PCGF6: variants seen among roughly 807,000 people sequenced by gnomAD.
PCGF6 encodes the protein polycomb group ring finger 6.
A neutral mutation model predicts 45.5 loss-of-function variants in PCGF6; 24 were observed. The ratio of observed to expected loss-of-function variants is 0.53; its 90% CI spans 0.38 to 0.74. The LOEUF (loss-of-function observed/expected upper bound fraction) is 0.74, where lower values mean the gene tolerates loss of function less well. PCGF6 is among the 30% of genes least tolerant of loss of function. The pLI is 0.00. For missense variants in PCGF6, 356 were observed against 443.2 expected, an observed-to-expected ratio of 0.80 and a Z score of 1.77; for synonymous variants, 152 against 162.1, an observed-to-expected ratio of 0.94 and a Z score of 0.47.
chr10:103,304,494 C>T (rs2093130815), intron 9 of PCGF6, among the ~76,000 whole-genome samples: 1 of 152,002 alleles, frequency 6.6e-6, no homozygotes, highest in Non-Finnish European at 1.5e-5. Flanking sequence ...GTGCGTGCTA[C>T]CAGGCCCAGC....
rs112993242 is a variant in PCGF6 at position 103,311,812 on chromosome 10, C to G, written c.996+2374G>C. Among the ~76,000 whole-genome samples, 603 of 151,226 alleles carry G rather than the reference C, an allele frequency of 4.0e-3. 1 individual carries two copies. Among genetic ancestry groups the G allele is most frequent in the African/African-American group, 0.012 (510 of 41,298 alleles). ...CCCAATAGGCCATGACTGTCAGCCA[C>G]GTGTGGTGGCTCATGCCTGTAATCC... On this transcript the variant is annotated intron_variant, in intron 9 of 9. Transcript: ENST00000369847.
chr10:103,323,960 GA>G (rs2093207081), intron 8 of PCGF6, among the ~76,000 whole-genome samples: 1 of 149,510 alleles, frequency 6.7e-6, no homozygotes, highest in Non-Finnish European at 1.5e-5. Context: ...ATTTTTTTGA[GA>G]CAGATTATCA....
At chr10:103,315,602 G>A (rs1339202778) in intron 8 of PCGF6, among the ~76,000 whole-genome samples, 1 of 151,960 alleles carries the variant, frequency 6.6e-6, no homozygotes, top group Non-Finnish European at 1.5e-5. Flanking sequence ...CTGATGATCC[G>A]CCCACCTCAG....
At position 103,344,693 on chromosome 10, in the gene PCGF6, G is replaced by C. The variant is rs1258726001; in HGVS notation, c.782+331C>G. Among the ~76,000 whole-genome samples, 9 of 151,668 alleles carry C rather than the reference G, an allele frequency of 5.9e-5. No individual in the cohort carries two copies. The East Asian group carries it at 1.7e-3, about 29-fold the overall frequency. On this transcript the variant is annotated intron_variant, in intron 6 of 9. Coordinates refer to ENST00000369847, the MANE Select transcript of PCGF6 (RefSeq NM_001011663.2). ...GTCTCCTGCCTCAGCCTCCCAAGTA[G>C]CTGGGATTACAGGCACCCGCCACCA...
intron 8 of PCGF6, among the ~76,000 whole-genome samples, chr10:103,319,051 G>A (rs946961184): frequency 1.1e-4 from 17 of 152,188 alleles, no homozygotes; most frequent in South Asian, 8.3e-4. Flanking sequence ...AGGAGAAAAA[G>A]TCCTCATCTT....
rs2093294709 is a variant in PCGF6 at position 103,345,144 on chromosome 10, T to C, written c.674-12A>G. ...TGGCTGTGGAACAGCTATTTAATAGTCAAACAAAAATGTTAATTAAGAATA... is the reference window on the plus strand; with the variant it reads ...TGGCTGTGGAACAGCTATTTAATAGCCAAACAAAAATGTTAATTAAGAATA... On this transcript the variant is annotated splice_polypyrimidine_tract_variant and intron_variant, in intron 5 of 9. Transcript: ENST00000369847. 6.5e-7 allele frequency: 1 copy of C among 1,541,010 alleles called. No individual in the cohort carries two copies. The highest frequency in any genetic ancestry group is 1.4e-5 in the African/African-American group (1 of 72,318).
chr10:103,322,903 C>CAAAAAAA (rs921634174), intron 8 of PCGF6, among the ~76,000 whole-genome samples: 5 of 137,780 alleles, frequency 3.6e-5, no homozygotes, highest in African/African-American at 1.3e-4. Flanking sequence ...AAACAAAAAA[C>CAAAAAAA]AAAAAAAAAA....
intron 3 of PCGF6, 72 bp downstream of exon 3, chr10:103,348,644 C>A (rs937738236): frequency 1.0e-5 from 12 of 1,169,658 alleles, no homozygotes; most frequent in Non-Finnish European, 1.4e-5. Flanking sequence ...ATAATTTATT[C>A]CAACTATATA....
chr10:103,332,223 C>G (rs2093242759), intron 7 of PCGF6, among the ~76,000 whole-genome samples: 1 of 152,102 alleles, frequency 6.6e-6, no homozygotes, highest in African/African-American at 2.4e-5. Flanking sequence ...TGTGTAAGAA[C>G]CACAACTATA....
chr10:103,337,701 G>A (rs1261565818), intron 6 of PCGF6, among the ~76,000 whole-genome samples: 1 of 152,134 alleles, frequency 6.6e-6, no homozygotes, highest in Non-Finnish European at 1.5e-5. Flanking sequence ...GTCGAGGTGG[G>A]TGGATAACCT....
At chr10:103,324,759 C>CAAA (rs1189652042) in intron 8 of PCGF6, among the ~76,000 whole-genome samples, 2 of 41,712 alleles carry the variant, frequency 4.8e-5, no homozygotes, top group Admixed American at 2.5e-4. Flanking sequence ...GACTCCGCCT[C>CAAA]AAAAAAAAAA....
At chr10:103,309,578 T>C (rs992608477) in intron 9 of PCGF6, among the ~76,000 whole-genome samples, 1 of 152,298 alleles carries the variant, frequency 6.6e-6, no homozygotes, top group Non-Finnish European at 1.5e-5. Flanking sequence ...TATTTCTTTA[T>C]AGCAATGTAA....
intron 7 of PCGF6, among the ~76,000 whole-genome samples, chr10:103,330,396 G>T (rs1313162492): frequency 1.3e-5 from 2 of 151,946 alleles, no homozygotes; most frequent in Non-Finnish European, 2.9e-5. Flanking sequence ...GTTTCAACCA[G>T]ATACATTTTT....
At chr10:103,338,314 C>T (rs560586082) in intron 6 of PCGF6, among the ~76,000 whole-genome samples, 2 of 151,708 alleles carry the variant, frequency 1.3e-5, no homozygotes, top group African/African-American at 4.8e-5. Context: ...GAGGCCAAGG[C>T]AGGCAGACCA....
chr10:103,306,575 T>C (rs535535949), intron 9 of PCGF6, among the ~76,000 whole-genome samples: 52 of 152,332 alleles, frequency 3.4e-4, no homozygotes, highest in Non-Finnish European at 5.6e-4. Flanking sequence ...TTCGCTTCTT[T>C]GCTAAGCTTT....
intron 8 of PCGF6, among the ~76,000 whole-genome samples, chr10:103,324,893 G>A (rs550230111): frequency 5.9e-5 from 9 of 151,768 alleles, no homozygotes; most frequent in African/African-American, 2.2e-4. Flanking sequence ...CCAGCACATT[G>A]GGAGGCCGAG....
chr10:103,304,065 G>A, intron 9 of PCGF6, 104 bp from the exon 10 acceptor site: 2 of 836,584 alleles, frequency 2.4e-6, no homozygotes, highest in South Asian at 1.6e-5. Flanking sequence ...CTAACACTAA[G>A]GTGAAATTCT....
At position 103,349,642 on chromosome 10, in the gene PCGF6, C is replaced by T. The variant is rs1343682109; in HGVS notation, c.361-643G>A. Among the ~76,000 whole-genome samples the T allele has an allele frequency of 4.0e-5, 6 of 150,430 alleles. No homozygotes were observed. The East Asian group carries it at 8.0e-4, about 20-fold the overall frequency. On this transcript the variant is annotated intron_variant, in intron 1 of 9. Coordinates refer to ENST00000369847, the MANE Select transcript of PCGF6 (RefSeq NM_001011663.2). ...ATTACAGGCGCGTGCCACCACGCCC[C>T]GCTACTTTTTGTATTTTCAGTAGAG...
At chr10:103,339,108 A>T (rs1309477295) in intron 6 of PCGF6, among the ~76,000 whole-genome samples, 1 of 152,084 alleles carries the variant, frequency 6.6e-6, no homozygotes, top group African/African-American at 2.4e-5. Flanking sequence ...GCGGTAACAT[A>T]AATGCTTTTC....
Sources: allele counts gnomAD v4.1 joint callset (sites outside exome capture counted in the v4.1 genomes callset), GRCh38; gene constraint gnomAD v4.1.1; transcripts MANE v1.5; gene names NCBI Gene and HGNC (gene_info 2026-07-23, HGNC 2026-07-21).